Variants in ZDHHC3 observed in about 807,000 individuals in gnomAD.
The protein encoded by ZDHHC3 is palmitoyltransferase ZDHHC3.
In ZDHHC3, 9 loss-of-function variants were observed where a neutral mutation model predicts 30.6. The ratio of observed to expected loss-of-function variants is 0.29; its 90% CI spans 0.18 to 0.51. The LOEUF is 0.51. ZDHHC3 is among the 20% of genes least tolerant of loss of function. ZDHHC3 has a pLI of 0.97. For synonymous variants in ZDHHC3, 136 were observed against 140.2 expected (o/e 0.97, Z 0.21); for missense variants, 246 against 384.2 (o/e 0.64, Z 3.01).
At chr3:44,962,895 T>A (rs1295379931) in intron 1 of ZDHHC3, among the ~76,000 whole-genome samples, 3 of 152,230 alleles carry the variant, frequency 2.0e-5, no homozygotes, top group Non-Finnish European at 4.4e-5. Context: ...CTTGTTAGAT[T>A]TATTTGCAAA....
intron 3 of ZDHHC3, 105 bp from the exon 4 acceptor site, chr3:44,934,089 T>C: frequency 8.9e-7 from 1 of 1,123,252 alleles, no homozygotes. Context: ...CTGAAATGGC[T>C]TCCTTGGGCA....
chr3:44,918,113 G>C lies in ZDHHC3; in HGVS notation c.*8576C>G. On this transcript the variant is annotated 3_prime_UTR_variant, in exon 7 of 7. Transcript: ENST00000424952. ...TGCCAGCTCCCCATGTGCTCCCTGG[G>C]CTGGTTCTTTCGTTTGAGGCGCTCG... The C allele has an allele frequency of 7.7e-7, 1 of 1,305,216 alleles. No homozygotes were observed. The highest frequency in any genetic ancestry group is 1.0e-6 in the Non-Finnish European group (1 of 988,828). The allele number at this position is 1,305,216 out of a possible 1,614,324, so 80.9% of individuals were successfully genotyped here.
In ZDHHC3 at chr3:44,918,101, T is replaced by C. The variant is rs1420103244; in HGVS notation, c.*8588A>G. On this transcript the variant is annotated 3_prime_UTR_variant, in exon 7 of 7. Transcript: ENST00000424952. Reference sequence around the variant, plus strand: ...TCCTTTACTGACTGCCAGCTCCCCATGTGCTCCCTGGGCTGGTTCTTTCGT... The same window carrying C: ...TCCTTTACTGACTGCCAGCTCCCCACGTGCTCCCTGGGCTGGTTCTTTCGT... The C allele has an allele frequency of 1.5e-6, 2 of 1,305,406 alleles. No homozygotes were observed. Among genetic ancestry groups the C allele is most frequent in the South Asian group, 1.2e-5 (1 of 81,032 alleles). The allele number at this position is 1,305,406 out of a possible 1,614,324, so 80.9% of individuals were successfully genotyped here. A position where few individuals can be genotyped will look rare whatever the true frequency, so the allele number is the denominator to read the frequency against.
At chr3:44,933,464 G>A (rs1701676842) in intron 4 of ZDHHC3, 9 of 576,546 alleles carry the variant, frequency 1.6e-5, no homozygotes, top group East Asian at 8.6e-5. Flanking sequence ...GCTCCAGGCA[G>A]TATGAGCTGC....
At chr3:44,958,112 G>A (rs1216984507) in intron 2 of ZDHHC3, among the ~76,000 whole-genome samples, 1 of 152,186 alleles carries the variant, frequency 6.6e-6, no homozygotes, top group African/African-American at 2.4e-5. Flanking sequence ...ACAGGCCCCT[G>A]CCTGCTGGTG....
At chr3:44,953,776 AG>A (rs1168490947) in intron 2 of ZDHHC3, among the ~76,000 whole-genome samples, 5 of 152,208 alleles carry the variant, frequency 3.3e-5, no homozygotes, top group Non-Finnish European at 5.9e-5. Context: ...GCTCGGGGGC[AG>A]GGGTGAGAAG....
chr3:44,950,820 ACAG>A (rs1703383257), intron 2 of ZDHHC3, among the ~76,000 whole-genome samples: 1 of 152,222 alleles, frequency 6.6e-6, no homozygotes. Flanking sequence ...TCCTGGACAG[ACAG>A]CAGGAGATTG....
At chr3:44,954,502 G>GT (rs1703754834) in intron 2 of ZDHHC3, among the ~76,000 whole-genome samples, 4 of 152,160 alleles carry the variant, frequency 2.6e-5, no homozygotes, top group Admixed American at 2.6e-4. Flanking sequence ...CTAGGTTTGT[G>GT]TAAGTACAGT....
chr3:44,956,561 C>A (rs1703975961), intron 2 of ZDHHC3, among the ~76,000 whole-genome samples: 1 of 152,134 alleles, frequency 6.6e-6, no homozygotes, highest in Non-Finnish European at 1.5e-5. Context: ...CAGGGCCCTG[C>A]CCCCAGACCA....
At position 44,918,298 on chromosome 3, in the gene ZDHHC3, C is replaced by T. The variant is rs371291442; in HGVS notation, c.*8391G>A. The T allele has an allele frequency of 1.1e-4, 108 of 985,212 alleles. No homozygotes were observed. In the African/African-American group the frequency reaches 1.8e-3, roughly 17 times the overall value. The allele number at this position is 985,212 out of a possible 1,614,324, so 61.0% of individuals were successfully genotyped here. A position where few individuals can be genotyped will look rare whatever the true frequency, so the allele number is the denominator to read the frequency against. On this transcript the variant is annotated 3_prime_UTR_variant, in exon 7 of 7. Transcript: ENST00000424952. ...GGTCTGAGTGGGCAGTCTGTTGTGGCCCAGGTCACCCCCGGGAGGTCCCTC... is the reference window on the plus strand; with the variant it reads ...GGTCTGAGTGGGCAGTCTGTTGTGGTCCAGGTCACCCCCGGGAGGTCCCTC...
chr3:44,932,999 A>T (rs1487534975), intron 5 of ZDHHC3, 119 bp downstream of exon 5: 6 of 1,614,092 alleles, frequency 3.7e-6, no homozygotes, highest in Non-Finnish European at 4.2e-6. Context: ...GGCTTTCAGG[A>T]GATTTAATAA....
In ZDHHC3 at chr3:44,924,518, G is replaced by A. The variant is rs1700832982; in HGVS notation, c.*2171C>T. The A allele has an allele frequency of 1.8e-5, 18 of 985,274 alleles. No homozygotes were observed. In the South Asian group the frequency reaches 8.0e-4, roughly 44 times the overall value. 61.0% of individuals were successfully genotyped at this position (985,274 alleles called of 1,614,324 possible). A position where few individuals can be genotyped will look rare whatever the true frequency, so the allele number is the denominator to read the frequency against. On this transcript the variant is annotated 3_prime_UTR_variant, in exon 7 of 7. Coordinates refer to ENST00000424952, the MANE Select transcript of ZDHHC3 (RefSeq NM_001135179.2). ...GAACCCCACTCTATTGGAAAGATAAGCATAGTATGCACAGCTTTAAAGGAG... is the reference window on the plus strand; with the variant it reads ...GAACCCCACTCTATTGGAAAGATAAACATAGTATGCACAGCTTTAAAGGAG...
chr3:44,929,035 G>A (rs1018059223), intron 6 of ZDHHC3, among the ~76,000 whole-genome samples: 1 of 152,238 alleles, frequency 6.6e-6, no homozygotes, highest in Non-Finnish European at 1.5e-5. Context: ...TGCCATGGGG[G>A]GGATGGAAGG....
chr3:44,970,180 G>T (rs571828067), intron 1 of ZDHHC3, among the ~76,000 whole-genome samples: 1 of 152,202 alleles, frequency 6.6e-6, no homozygotes, highest in Non-Finnish European at 1.5e-5. Flanking sequence ...GGAATCTGCT[G>T]GTATCACTTA....
At chr3:44,926,932 G>A in intron 6 of ZDHHC3, 85 bp from the exon 7 acceptor site, 1 of 1,443,952 alleles carries the variant, frequency 6.9e-7, no homozygotes, top group East Asian at 2.5e-5. Flanking sequence ...ACAGGTGAAT[G>A]GAGTAAATGT....
At chr3:44,975,766 T>TCACACACA (rs1163057741) in intron 1 of ZDHHC3, among the ~76,000 whole-genome samples, 167 bp downstream of exon 1, 112 of 144,420 alleles carry the variant, frequency 7.8e-4, no homozygotes, top group African/African-American at 2.8e-3. Flanking sequence ...TCTCTCTCTC[T>TCACACACA]CTCTCTCACA....
At chr3:44,962,816 G>C (rs556138004) in intron 1 of ZDHHC3, among the ~76,000 whole-genome samples, 3 of 152,154 alleles carry the variant, frequency 2.0e-5, no homozygotes, top group Non-Finnish European at 2.9e-5. Flanking sequence ...ACGGTCACCA[G>C]TCATACCCAC....
intron 1 of ZDHHC3, among the ~76,000 whole-genome samples, chr3:44,974,376 T>C (rs1261594951): frequency 2.6e-5 from 4 of 152,204 alleles, no homozygotes; most frequent in Admixed American, 2.6e-4. Flanking sequence ...TTCTGATCTG[T>C]CCATTTGCTG....
Position 44,923,627 on chromosome 3 carries a change from C to A in ZDHHC3, c.*3062G>T, listed in dbSNP as rs1376999139. 1.1e-6 allele frequency: 1 copy of A among 881,336 alleles called. No homozygotes were observed. The highest frequency in any genetic ancestry group is 5.2e-5 in the South Asian group (1 of 19,164). The allele number at this position is 881,336 out of a possible 1,614,324, so 54.6% of individuals were successfully genotyped here. On this transcript the variant is annotated 3_prime_UTR_variant, in exon 7 of 7. Transcript: ENST00000424952. ...GACTAGCTAGGGCAACACAGTGAGA[C>A]CCTGACTCTATTAAAAAACAAAAAA...
Sources: gnomAD v4.1 joint callset for allele counts (sites outside exome capture counted in the v4.1 genomes callset) on GRCh38, gnomAD v4.1.1 for gene constraint, MANE v1.5 for transcripts, NCBI Gene and HGNC (gene_info 2026-07-23, HGNC 2026-07-21) for gene names.